CALN1: variants seen among roughly 807,000 people sequenced by gnomAD.
CALN1 encodes the protein calcium-binding protein 8.
A neutral mutation model predicts 30.6 loss-of-function variants in CALN1; 17 were observed. That is an observed-to-expected ratio of 0.56 (90% CI 0.38 to 0.83). The LOEUF is 0.83. Ranked by LOEUF, CALN1 falls within the 40% of genes least tolerant of loss-of-function variation. The pLI, the probability that CALN1 is intolerant of heterozygous loss-of-function variation, is 0.00. For synonymous variants in CALN1, 156 were observed against 131.4 expected (o/e 1.19, Z -1.28); for missense variants, 291 against 354.9 (o/e 0.82, Z 1.45).
At chr7:71,888,045 C>T (rs934372988) in intron 5 of CALN1, among the ~76,000 whole-genome samples, 28 of 151,698 alleles carry the variant, frequency 1.8e-4, no homozygotes, top group Non-Finnish European at 7.4e-5. Flanking sequence ...TGAGTCTGGG[C>T]GTAGAAAGAG....
intron 3 of CALN1, among the ~76,000 whole-genome samples, chr7:72,108,098 T>C (rs905455547): frequency 2.6e-5 from 4 of 152,208 alleles, no homozygotes; most frequent in Admixed American, 2.0e-4. Context: ...AGAGCTGTGC[T>C]CCCCGTGAAG....
At chr7:71,896,699 C>A (rs778251688) in intron 5 of CALN1, among the ~76,000 whole-genome samples, 1 of 152,076 alleles carries the variant, frequency 6.6e-6, no homozygotes, top group African/African-American at 2.4e-5. Context: ...CACATAGGCC[C>A]TGAGAGCCTC....
chr7:72,300,551 T>C (rs1799186497), intron 2 of CALN1, among the ~76,000 whole-genome samples: 1 of 152,246 alleles, frequency 6.6e-6, no homozygotes, highest in Admixed American at 6.5e-5. Context: ...ATCTTTATAA[T>C]GTACCACTAA....
In CALN1 at chr7:72,099,682, C is replaced by T. The variant is rs781697418; in HGVS notation, c.388+6469G>A. ...TGTATAAATTTTTGTGGCAGCAATA[C>T]CCGTAGCCTACACTGATGCGTTATT... On this transcript the variant is annotated intron_variant, in intron 4 of 6. Transcript: ENST00000395275. 6.6e-4 allele frequency among the ~76,000 whole-genome samples: 100 copies of T among 152,186 alleles called. No homozygotes were observed. The Middle Eastern group carries it at 0.014, about 21-fold the overall frequency.
intron 4 of CALN1, among the ~76,000 whole-genome samples, chr7:72,052,317 G>A (rs1165551185): frequency 2.6e-5 from 4 of 152,138 alleles, no homozygotes; most frequent in East Asian, 1.9e-4. Context: ...AGTCGCCTCC[G>A]GAGTGGACAC....
At chr7:71,907,100 G>A (rs190084377) in intron 5 of CALN1, among the ~76,000 whole-genome samples, 2 of 152,280 alleles carry the variant, frequency 1.3e-5, no homozygotes, top group Admixed American at 1.3e-4. Flanking sequence ...TCTGCATGTG[G>A]TTTGTGTGTG....
At position 71,965,603 on chromosome 7, in the gene CALN1, G is replaced by A. The variant is rs572290019; in HGVS notation, c.501+58054C>T. On this transcript the variant is annotated intron_variant, in intron 5 of 6. Transcript: ENST00000395275. ...ACAAACAAACAAACAAACATTAAAT[G>A]CACTTAAATGGTGTATAGCTAAATT... 5.3e-5 allele frequency among the ~76,000 whole-genome samples: 8 copies of A among 152,146 alleles called. No homozygotes were observed. In the South Asian group the frequency reaches 1.2e-3, roughly 24 times the overall value.
chr7:72,118,205 A>G (rs1808130820), intron 3 of CALN1, among the ~76,000 whole-genome samples: 1 of 152,178 alleles, frequency 6.6e-6, no homozygotes, highest in African/African-American at 2.4e-5. Flanking sequence ...ATTCTTAAAG[A>G]AGGGCATTTT....
At chr7:72,424,567 C>T (rs1457846676) in intron 1 of CALN1, among the ~76,000 whole-genome samples, 1 of 151,958 alleles carries the variant, frequency 6.6e-6, no homozygotes, top group Non-Finnish European at 1.5e-5. Context: ...TGTTTATTTC[C>T]ATCCTTTTAA....
intron 3 of CALN1, among the ~76,000 whole-genome samples, chr7:72,165,514 G>A (rs1175603007): frequency 2.0e-5 from 3 of 151,878 alleles, no homozygotes; most frequent in Non-Finnish European, 4.4e-5. Context: ...CTTAAACCCA[G>A]GACGCAGAGT....
At chr7:72,085,655 C>T (rs1342395269) in intron 4 of CALN1, among the ~76,000 whole-genome samples, 3 of 152,092 alleles carry the variant, frequency 2.0e-5, no homozygotes. Context: ...CAAGGGACTA[C>T]TTGGGGTAAT....
At chr7:72,174,680 TA>T (rs1159637394) in intron 3 of CALN1, among the ~76,000 whole-genome samples, 2 of 152,192 alleles carry the variant, frequency 1.3e-5, no homozygotes, top group Non-Finnish European at 2.9e-5. Context: ...CACATTTCTA[TA>T]AAATTTCAGA....
intron 3 of CALN1, among the ~76,000 whole-genome samples, chr7:72,239,226 A>G (rs1004765064): frequency 6.6e-6 from 1 of 151,946 alleles, no homozygotes; most frequent in South Asian, 2.1e-4. Context: ...CCAAGACCCC[A>G]CCTTTCCAAA....
chr7:71,823,602 C>T (rs903693266), intron 5 of CALN1, among the ~76,000 whole-genome samples: 35 of 152,042 alleles, frequency 2.3e-4, no homozygotes, highest in Admixed American at 1.1e-3. Flanking sequence ...CCTGTAGTCC[C>T]ACCTACTTGG....
chr7:72,375,582 A>AAAG (rs1419460265), intron 2 of CALN1, among the ~76,000 whole-genome samples: 46 of 151,052 alleles, frequency 3.0e-4, no homozygotes, highest in African/African-American at 1.1e-3. Flanking sequence ...AAAAAAAAAA[A>AAAG]GAAAAGGAAA....
chr7:72,244,523 AT>A (rs1562788067), intron 3 of CALN1, among the ~76,000 whole-genome samples: 1 of 152,088 alleles, frequency 6.6e-6, no homozygotes, highest in African/African-American at 2.4e-5. Flanking sequence ...TGGGATATAA[AT>A]GAGGAATAAA....
intron 3 of CALN1, among the ~76,000 whole-genome samples, chr7:72,266,776 CTT>C (rs367785666): frequency 6.6e-5 from 10 of 152,258 alleles, no homozygotes; most frequent in African/African-American, 2.4e-4. Flanking sequence ...TACTAGAAGA[CTT>C]AGCAAGTGCC....
chr7:71,882,892 G>A (rs1458811899), intron 5 of CALN1, among the ~76,000 whole-genome samples: 1 of 147,396 alleles, frequency 6.8e-6, no homozygotes, highest in Non-Finnish European at 1.5e-5. Context: ...GTGTGTGTGT[G>A]TTTGTAAAGA....
intron 2 of CALN1, among the ~76,000 whole-genome samples, chr7:72,386,013 G>A (rs954771323): frequency 3.3e-5 from 5 of 152,270 alleles, no homozygotes; most frequent in Middle Eastern, 6.8e-3. Context: ...GTAAGTGAGA[G>A]AAGCCAGTTT....
Sources: gnomAD v4.1 joint callset for allele counts (sites outside exome capture counted in the v4.1 genomes callset) on GRCh38, gnomAD v4.1.1 for gene constraint, MANE v1.5 for transcripts, NCBI Gene and HGNC (gene_info 2026-07-23, HGNC 2026-07-21) for gene names.